The following MAP2K4 variants were observed in gnomAD, a reference collection of about 807,000 sequenced individuals.
MAP2K4 encodes dual specificity mitogen-activated protein kinase kinase 4.
MAP2K4 carries 4 observed loss-of-function variants against 48.5 expected under a neutral mutation model. The ratio of observed to expected loss-of-function variants is 0.08; its 90% CI spans 0.04 to 0.19. MAP2K4 has a LOEUF of 0.19. Among genes scored for constraint, MAP2K4 ranks in the 10% least tolerant of loss-of-function variants. The pLI is 1.00. For missense variants in MAP2K4, 258 were observed against 493.3 expected, an observed-to-expected ratio of 0.52 and a Z score of 4.52; for synonymous variants, 166 against 173.1, an observed-to-expected ratio of 0.96 and a Z score of 0.32.
chr17:12,023,869 G>C (rs1241888584), intron 1 of MAP2K4, among the ~76,000 whole-genome samples: 2 of 152,106 alleles, frequency 1.3e-5, no homozygotes, highest in Non-Finnish European at 2.9e-5. Context: ...TTACCTCCCC[G>C]GTGGCTTTGA....
At chr17:12,130,312 A>C (rs1188431912) in intron 9 of MAP2K4, among the ~76,000 whole-genome samples, 1 of 152,216 alleles carries the variant, frequency 6.6e-6, no homozygotes, top group African/African-American at 2.4e-5. Flanking sequence ...TTTTCTAGGT[A>C]GAAGAAGGAC....
intron 7 of MAP2K4, chr17:12,116,003 G>A (rs541988027): frequency 1.5e-4 from 56 of 372,328 alleles, no homozygotes; most frequent in African/African-American, 1.1e-3. Flanking sequence ...CTCTAAAAAT[G>A]CAGAGAAAAA....
chr17:12,111,699 A>G (rs994216957), intron 6 of MAP2K4, among the ~76,000 whole-genome samples: 1 of 152,214 alleles, frequency 6.6e-6, no homozygotes, highest in Non-Finnish European at 1.5e-5. Context: ...TTTATCAGTT[A>G]GGATCAGTTA....
chr17:12,112,802 C>G (rs1972348294), intron 6 of MAP2K4, among the ~76,000 whole-genome samples: 1 of 152,074 alleles, frequency 6.6e-6, no homozygotes. Context: ...AATTTGTAAG[C>G]CTCTTGAAAA....
intron 1 of MAP2K4, among the ~76,000 whole-genome samples, chr17:12,024,851 C>G (rs1275002537): frequency 6.6e-6 from 1 of 152,098 alleles, no homozygotes; most frequent in Non-Finnish European, 1.5e-5. Context: ...AGGGCTTTCC[C>G]TTGTGGCAAA....
chr17:12,136,981 G>T (rs1973231712), intron 9 of MAP2K4, among the ~76,000 whole-genome samples: 1 of 152,136 alleles, frequency 6.6e-6, no homozygotes, highest in South Asian at 2.1e-4. Flanking sequence ...ACTACACAAT[G>T]ACAAGGCTTT....
intron 3 of MAP2K4, among the ~76,000 whole-genome samples, chr17:12,086,299 C>T (rs1388436308): frequency 6.6e-6 from 1 of 152,098 alleles, no homozygotes; most frequent in Non-Finnish European, 1.5e-5. Context: ...CCTAATATTG[C>T]TTAAAAGCTG....
chr17:12,085,294 A>G (rs998622732), intron 3 of MAP2K4, among the ~76,000 whole-genome samples: 3 of 152,270 alleles, frequency 2.0e-5, no homozygotes, highest in Admixed American at 1.3e-4. Flanking sequence ...TAATACTGTA[A>G]TAAAGCTGTC....
chr17:12,089,504 T>C (rs1002988526), intron 3 of MAP2K4, among the ~76,000 whole-genome samples: 4 of 152,220 alleles, frequency 2.6e-5, no homozygotes, highest in African/African-American at 9.6e-5. Flanking sequence ...TTTCCTCTAA[T>C]GATTGAATTC....
intron 1 of MAP2K4, among the ~76,000 whole-genome samples, chr17:12,054,277 T>A (rs2151525754): frequency 6.6e-6 from 1 of 152,304 alleles, no homozygotes; most frequent in African/African-American, 2.4e-5. Context: ...TTAATATATT[T>A]GATCTTTTTT....
rs1971701424 is a variant in MAP2K4, at chr17:12,095,391, C to A, written c.394-184C>A. The A allele has an allele frequency of 2.7e-5, 18 of 675,644 alleles. No individual in the cohort carries two copies. In the South Asian group the frequency reaches 2.8e-4, roughly 11 times the overall value. 41.9% of individuals were successfully genotyped at this position (675,644 alleles called of 1,614,324 possible). ...GGATTTCTAAGTGCTGTTTGTTAAA[C>A]TTTCTGTGATTAAAGTAATTCTTGT... On this transcript the variant is annotated intron_variant, in intron 3 of 10. Coordinates refer to ENST00000353533, the MANE Select transcript of MAP2K4 (RefSeq NM_003010.4).
intron 1 of MAP2K4, chr17:12,032,163 A>G: frequency 6.0e-6 from 3 of 498,812 alleles, no homozygotes; most frequent in Non-Finnish European, 1.0e-5. Flanking sequence ...CTGTTCTTGA[A>G]TTAGTTTTAT....
intron 1 of MAP2K4, among the ~76,000 whole-genome samples, chr17:12,033,550 A>G (rs994225724): frequency 3.3e-5 from 5 of 152,088 alleles, no homozygotes; most frequent in African/African-American, 1.2e-4. Flanking sequence ...TAATTGGTTC[A>G]TTACTGTTAT....
intron 4 of MAP2K4, among the ~76,000 whole-genome samples, chr17:12,106,667 ATAAG>A (rs1346576661): frequency 4.6e-5 from 7 of 152,162 alleles, no homozygotes; most frequent in Non-Finnish European, 7.4e-5. Context: ...GTATTTATAA[ATAAG>A]TAACAACATA....
intron 7 of MAP2K4, among the ~76,000 whole-genome samples, chr17:12,120,773 A>C (rs1285740477): frequency 6.6e-6 from 1 of 152,146 alleles, no homozygotes; most frequent in Non-Finnish European, 1.5e-5. Context: ...TGGCCCCTCA[A>C]ATGCTTCTGA....
At chr17:12,035,181 A>G (rs769802546) in intron 1 of MAP2K4, among the ~76,000 whole-genome samples, 29 of 152,226 alleles carry the variant, frequency 1.9e-4, no homozygotes, top group South Asian at 1.2e-3. Context: ...GCTCTGGAAT[A>G]TAGACATTAA....
chr17:12,050,940 C>A (rs1035765030), intron 1 of MAP2K4, among the ~76,000 whole-genome samples: 1 of 152,154 alleles, frequency 6.6e-6, no homozygotes, highest in Non-Finnish European at 1.5e-5. Context: ...GTGCTTTTCT[C>A]ATGAGAAATT....
At chr17:12,058,651 T>C (rs555577244) in intron 2 of MAP2K4, among the ~76,000 whole-genome samples, 1 of 152,348 alleles carries the variant, frequency 6.6e-6, no homozygotes, top group South Asian at 2.1e-4. Context: ...GCATGGCCAA[T>C]GTTGTTTTAT....
At chr17:12,042,202 G>A (rs1298581478) in intron 1 of MAP2K4, among the ~76,000 whole-genome samples, 3 of 142,898 alleles carry the variant, frequency 2.1e-5, no homozygotes, top group Non-Finnish European at 4.6e-5. Context: ...GTACCATGTA[G>A]TAGTAACAGG....
Sources: allele counts gnomAD v4.1 joint callset (sites outside exome capture counted in the v4.1 genomes callset), GRCh38; gene constraint gnomAD v4.1.1; transcripts MANE v1.5; gene names NCBI Gene and HGNC (gene_info 2026-07-23, HGNC 2026-07-21).